Variants in PLCL1 observed in about 807,000 individuals in gnomAD.
PLCL1 encodes the protein phospholipase C like 1 (inactive), also known as inactive phospholipase C-like protein 1.
PLCL1 carries 41 observed loss-of-function variants against 84.4 expected under a neutral mutation model. The ratio of observed to expected loss-of-function variants is 0.49; its 90% CI spans 0.38 to 0.63. PLCL1 has a LOEUF of 0.63. PLCL1 is among the 30% of genes least tolerant of loss of function. PLCL1 has a pLI of 0.00. For missense variants in PLCL1, 1,206 were observed against 1,367.8 expected, an observed-to-expected ratio of 0.88 and a Z score of 1.87; for synonymous variants, 490 against 488.3, an observed-to-expected ratio of 1.00 and a Z score of -0.05.
intron 5 of PLCL1, among the ~76,000 whole-genome samples, chr2:198,118,004 CTTATA>C (rs1693785412): frequency 6.6e-6 from 1 of 151,768 alleles, no homozygotes; most frequent in Non-Finnish European, 1.5e-5. Context: ...AGGCTCGTTT[CTTATA>C]TTAAACAACT....
intron 3 of PLCL1, among the ~76,000 whole-genome samples, chr2:198,096,885 G>A (rs1251164492): frequency 1.3e-5 from 2 of 152,094 alleles, no homozygotes; most frequent in Non-Finnish European, 2.9e-5. Context: ...AGGCATAATG[G>A]TTGGCTTAAA....
chr2:198,139,510 G>T (rs1694333933), intron 5 of PLCL1, among the ~76,000 whole-genome samples: 1 of 152,164 alleles, frequency 6.6e-6, no homozygotes, highest in Non-Finnish European at 1.5e-5. Context: ...TGGTGTGCCT[G>T]CCTGACATTC....
intron 1 of PLCL1, among the ~76,000 whole-genome samples, chr2:197,889,568 C>G (rs1687978320): frequency 6.6e-6 from 1 of 152,068 alleles, no homozygotes; most frequent in African/African-American, 2.4e-5. Flanking sequence ...TTAGAAGAAC[C>G]CAAGAAGCAA....
chr2:197,825,239 T>G (rs1690905440), intron 1 of PLCL1, among the ~76,000 whole-genome samples: 1 of 152,210 alleles, frequency 6.6e-6, no homozygotes, highest in African/African-American at 2.4e-5. Context: ...GTAATCTTTG[T>G]GCAAGCCAAT....
At chr2:198,042,632 TG>T (rs1691691194) in intron 1 of PLCL1, among the ~76,000 whole-genome samples, 1 of 152,182 alleles carries the variant, frequency 6.6e-6, no homozygotes, top group Non-Finnish European at 1.5e-5. Flanking sequence ...ATTACAGCTT[TG>T]GGGATAGGCA....
chr2:198,024,521 T>C (rs1978888), intron 1 of PLCL1, among the ~76,000 whole-genome samples: 73,395 of 152,116 alleles, frequency 0.48, 18,086 homozygotes, highest in Middle Eastern at 0.63. Flanking sequence ...CCCAGCACTT[T>C]GGGAGGCCGA....
intron 1 of PLCL1, among the ~76,000 whole-genome samples, chr2:198,074,769 C>G (rs1022455779): frequency 5.3e-5 from 8 of 152,178 alleles, no homozygotes; most frequent in African/African-American, 9.7e-5. Flanking sequence ...GACATGAACT[C>G]TATTTAATAA....
chr2:197,967,857 A>G (rs1167142428), intron 1 of PLCL1, among the ~76,000 whole-genome samples: 1 of 152,228 alleles, frequency 6.6e-6, no homozygotes, highest in Non-Finnish European at 1.5e-5. Flanking sequence ...GCTCCCTCAT[A>G]TAACTCAAAG....
At chr2:197,981,865 C>T (rs1267037046) in intron 1 of PLCL1, among the ~76,000 whole-genome samples, 1 of 152,208 alleles carries the variant, frequency 6.6e-6, no homozygotes, top group Non-Finnish European at 1.5e-5. Context: ...GAGAGGCCAG[C>T]TGTCTTATCT....
At chr2:197,972,054 T>A (rs1042948985) in intron 1 of PLCL1, among the ~76,000 whole-genome samples, 1 of 152,212 alleles carries the variant, frequency 6.6e-6, no homozygotes, top group Non-Finnish European at 1.5e-5. Context: ...TAGGCTCCAA[T>A]TGATTTTCTA....
At chr2:197,879,829 AT>A (rs1687798672) in intron 1 of PLCL1, among the ~76,000 whole-genome samples, 1 of 152,140 alleles carries the variant, frequency 6.6e-6, no homozygotes, top group South Asian at 2.1e-4. Flanking sequence ...TTTGGAAGCC[AT>A]TTTTAATCCC....
intron 5 of PLCL1, among the ~76,000 whole-genome samples, chr2:198,123,728 G>T (rs983392925): frequency 1.3e-5 from 2 of 152,004 alleles, no homozygotes; most frequent in African/African-American, 4.8e-5. Flanking sequence ...TGCTGCCTGA[G>T]CCCCGCCTCC....
intron 1 of PLCL1, among the ~76,000 whole-genome samples, chr2:198,044,921 G>GT (rs1383346204): frequency 6.6e-6 from 1 of 152,130 alleles, no homozygotes; most frequent in Non-Finnish European, 1.5e-5. Flanking sequence ...GGTGTTAGAA[G>GT]TAGGTAGCAT....
intron 4 of PLCL1, among the ~76,000 whole-genome samples, chr2:198,102,490 T>C (rs906180265): frequency 6.6e-6 from 1 of 151,990 alleles, no homozygotes; most frequent in South Asian, 2.1e-4. Context: ...AATAAAAATA[T>C]AAAAACTAGA....
At chr2:198,030,044 G>A (rs1227588980) in intron 1 of PLCL1, among the ~76,000 whole-genome samples, 1 of 151,988 alleles carries the variant, frequency 6.6e-6, no homozygotes, top group African/African-American at 2.4e-5. Context: ...GGGTATATGT[G>A]CAGGTTTGTT....
chr2:198,025,185 T>G (rs1574255434), intron 1 of PLCL1, among the ~76,000 whole-genome samples: 1 of 152,196 alleles, frequency 6.6e-6, no homozygotes, highest in Non-Finnish European at 1.5e-5. Context: ...CTGTCTGTTC[T>G]CTATACCCTT....
In PLCL1 at chr2:197,817,376, G is replaced by A. The variant is rs539690599; in HGVS notation, c.240+12037G>A. Among the ~76,000 whole-genome samples, 24 of 135,958 alleles carry A rather than the reference G, an allele frequency of 1.8e-4. No individual in the cohort carries two copies. In the South Asian group the frequency reaches 4.9e-3, roughly 28 times the overall value. The allele number at this position is 135,958 out of a possible 152,430, so 89.2% of individuals were successfully genotyped here. A position where few individuals can be genotyped will look rare whatever the true frequency, so the allele number is the denominator to read the frequency against. ...TTTCTATGTGCGTGTGCGTGTGCAC[G>A]TGTGTGTGTGTGTGTATACTTACGC... On this transcript the variant is annotated intron_variant, in intron 1 of 5. Transcript: ENST00000428675.
At chr2:197,850,604 A>G (rs1687215742) in intron 1 of PLCL1, among the ~76,000 whole-genome samples, 1 of 152,144 alleles carries the variant, frequency 6.6e-6, no homozygotes, top group African/African-American at 2.4e-5. Context: ...CGAAGGCCAT[A>G]TACATATCAG....
intron 1 of PLCL1, among the ~76,000 whole-genome samples, chr2:197,999,566 G>A (rs1690550813): frequency 6.6e-6 from 1 of 152,076 alleles, no homozygotes; most frequent in African/African-American, 2.4e-5. Context: ...CTTTAATTTG[G>A]ACAGAGAGAA....
Sources: allele counts gnomAD v4.1 joint callset (sites outside exome capture counted in the v4.1 genomes callset), GRCh38; gene constraint gnomAD v4.1.1; transcripts MANE v1.5; gene names NCBI Gene and HGNC (gene_info 2026-07-23, HGNC 2026-07-21).